The following ZNF738 variants were observed in gnomAD, a reference collection of about 807,000 sequenced individuals.
ZNF738 encodes zinc finger protein 738, also known as protein ZNF738.
Under a neutral mutation model 9.2 loss-of-function variants are expected in ZNF738, and 10 were observed. The ratio of observed to expected loss-of-function variants is 1.09; its 90% CI spans 0.67 to 1.85. The LOEUF (loss-of-function observed/expected upper bound fraction) is 1.85. Ranked by LOEUF, ZNF738 falls within the 40% of genes most tolerant of loss-of-function variation. ZNF738 has a pLI of 0.00. For synonymous variants in ZNF738, 113 were observed against 94.5 expected, an observed-to-expected ratio of 1.20 and a Z score of -1.14; for missense variants, 346 against 283.6, an observed-to-expected ratio of 1.22 and a Z score of -1.58.
intron 2 of ZNF738, among the ~76,000 whole-genome samples, chr19:21,374,449 C>G (rs556176914): frequency 2.0e-5 from 3 of 152,186 alleles, no homozygotes; most frequent in Non-Finnish European, 4.4e-5. Flanking sequence ...CGGTGTGCGT[C>G]AGCACATCAC....
At chr19:21,363,885 TAAAAAAA>T (rs71176862) in intron 2 of ZNF738, among the ~76,000 whole-genome samples, 4 of 141,330 alleles carry the variant, frequency 2.8e-5, no homozygotes, top group Admixed American at 7.1e-5. Context: ...AGACTCCATT[TAAAAAAA>T]AAAAAAAAAA....
At chr19:21,362,891 A>G (rs1196792503) in intron 2 of ZNF738, among the ~76,000 whole-genome samples, 2 of 152,350 alleles carry the variant, frequency 1.3e-5, no homozygotes, top group Non-Finnish European at 1.5e-5. Flanking sequence ...TTTGCCGTAG[A>G]AAATGAATAC....
intron 4 of ZNF738, among the ~76,000 whole-genome samples, chr19:21,382,268 C>G (rs2968040): frequency 0.93 from 139,276 of 149,716 alleles, 65,085 homozygotes; most frequent in Middle Eastern, 0.99. Flanking sequence ...TTGAGATGGA[C>G]TCTTGCACTG....
chr19:21,380,141 G>A (rs1973986388), intron 4 of ZNF738, among the ~76,000 whole-genome samples: 1 of 152,032 alleles, frequency 6.6e-6, no homozygotes, highest in Admixed American at 6.5e-5. Context: ...TGCACAATGA[G>A]GACCACATTC....
intron 4 of ZNF738, chr19:21,381,433 G>C: frequency 6.7e-7 from 1 of 1,490,628 alleles, no homozygotes; most frequent in Non-Finnish European, 9.3e-7. Flanking sequence ...TATAAGAAAG[G>C]CCATTACAGA....
intron 2 of ZNF738, among the ~76,000 whole-genome samples, chr19:21,367,645 A>G (rs1349355244): frequency 6.6e-6 from 1 of 152,140 alleles, no homozygotes; most frequent in African/African-American, 2.4e-5. Flanking sequence ...ACAGACTGTC[A>G]TACTGCCCAT....
At position 21,383,344 on chromosome 19, in the gene ZNF738, A is replaced by G; in HGVS notation, c.798A>G (p.Gly266=). Residue 266 remains glycine, a synonymous_variant, in exon 5 of 5, where the codon GGA becomes GGG. Transcript: ENST00000683779. ...AATCCTACAAACATGAAGAATGTGG[A>G]AAAGGTTTTAACCACTCCACAACTC... The part of the protein sequence containing the change: ...GDKSYKHEEC[G]KGFNHSTTLT... 1.5e-6 allele frequency: 2 copies of G among 1,304,704 alleles called. No homozygotes were observed. The highest frequency in any genetic ancestry group is 2.2e-6 in the Non-Finnish European group (2 of 922,192). The allele number at this position is 1,304,704 out of a possible 1,614,324, so 80.8% of individuals were successfully genotyped here.
At chr19:21,373,514 G>T (rs1973882663) in intron 2 of ZNF738, among the ~76,000 whole-genome samples, 1 of 152,168 alleles carries the variant, frequency 6.6e-6, no homozygotes, top group African/African-American at 2.4e-5. Context: ...TGTGGCAAAA[G>T]CAGGCACCTG....
In ZNF738 at chr19:21,385,806, A is replaced by T. The variant is rs536642004; in HGVS notation, c.*2132A>T. Among the ~76,000 whole-genome samples the T allele has an allele frequency of 9.8e-5, 15 of 152,320 alleles. No homozygotes were observed. The highest frequency in any genetic ancestry group is 3.6e-4 in the African/African-American group (15 of 41,572). ...GTGGCAAAGGTTTTTATTGATTCTC[A>T]TACTTTACTAAAAATAAGGTGATTC... On this transcript the variant is annotated 3_prime_UTR_variant, in exon 5 of 5. Transcript: ENST00000683779.
rs116826489 is a variant in ZNF738, at chr19:21,378,683, G to T, written c.319+2719G>T. On this transcript the variant is annotated intron_variant, in intron 4 of 4. Transcript: ENST00000683779. ...GAGTGAAATGGCGCGATTTCACCTC[G>T]CTGTGTCCCAGGTTCAAGCAGTTCT... 5.2e-3 allele frequency: 2,004 copies of T among 382,692 alleles called. 28 individuals are homozygous for T. Among genetic ancestry groups the T allele is most frequent in the South Asian group, 0.019 (1,022 of 53,646 alleles). The allele number at this position is 382,692 out of a possible 1,614,324, so 23.7% of individuals were successfully genotyped here.
At chr19:21,371,938 C>G (rs1599715170) in intron 2 of ZNF738, 1 of 151,626 alleles carries the variant, frequency 6.6e-6, no homozygotes, top group Non-Finnish European at 1.5e-5. Context: ...TGGGATTTAA[C>G]TTTTTTTTTC....
intron 2 of ZNF738, among the ~76,000 whole-genome samples, chr19:21,366,929 ACCT>A (rs896409211): frequency 4.6e-5 from 7 of 151,708 alleles, no homozygotes; most frequent in East Asian, 1.9e-4. Context: ...TCTTGTGCTG[ACCT>A]CCTATCTCAT....
rs1974074119 is a variant in ZNF738 at position 21,386,855 on chromosome 19, G to A, written c.*3181G>A. Reference sequence around the variant, plus strand: ...CCCGAGTAGCTGGGATTACAGGCATGCACCACTATACCCATCTAATTTTGT... The same window carrying A: ...CCCGAGTAGCTGGGATTACAGGCATACACCACTATACCCATCTAATTTTGT... On this transcript the variant is annotated 3_prime_UTR_variant, in exon 5 of 5. Coordinates refer to ENST00000683779, the MANE Select transcript of ZNF738 (RefSeq NM_001355237.2). 6.6e-6 allele frequency among the ~76,000 whole-genome samples: 1 copy of A among 151,694 alleles called. No individual in the cohort carries two copies. The highest frequency in any genetic ancestry group is 6.6e-5 in the Admixed American group (1 of 15,222).
At position 21,386,476 on chromosome 19, in the gene ZNF738, A is replaced by G. The variant is rs1974068609; in HGVS notation, c.*2802A>G. On this transcript the variant is annotated 3_prime_UTR_variant, in exon 5 of 5. Transcript: ENST00000683779. ...GTCCTCAACTCCCACTAAACATAACATAATTCATACTGGAGAGAAACCTCA... is the reference window on the plus strand; with the variant it reads ...GTCCTCAACTCCCACTAAACATAACGTAATTCATACTGGAGAGAAACCTCA... 1.2e-5 allele frequency: 4 copies of G among 342,650 alleles called. No individual in the cohort carries two copies. In the East Asian group the frequency reaches 3.1e-4, roughly 26 times the overall value. The allele number at this position is 342,650 out of a possible 1,614,324, so 21.2% of individuals were successfully genotyped here.
intron 3 of ZNF738, 63 bp from the exon 4 acceptor site, chr19:21,375,806 A>T: frequency 1.4e-6 from 1 of 712,292 alleles, no homozygotes; most frequent in Non-Finnish European, 2.6e-6. Context: ...TACTAAGCAC[A>T]GTAATAGGTA....
rs1974083023 is a variant in ZNF738 at position 21,387,709 on chromosome 19, T to TAATATATATATA, written c.*4035_*4036insAATATATATATA. Among the ~76,000 whole-genome samples, 2 of 152,158 alleles carry TAATATATATATA rather than the reference T, an allele frequency of 1.3e-5. No homozygotes were observed. Among genetic ancestry groups the TAATATATATATA allele is most frequent in the African/African-American group, 4.8e-5 (2 of 41,438 alleles). Reference sequence around the variant, plus strand: ...GATAAGGGCAATTACTGTCAAAAGGTCTTTCAGAAAAATATAACCCTTTAA... The same window carrying TAATATATATATA: ...GATAAGGGCAATTACTGTCAAAAGGTAATATATATATACTTTCAGAAAAATATAACCCTTTAA... On this transcript the variant is annotated 3_prime_UTR_variant, in exon 5 of 5. Coordinates refer to ENST00000683779, the MANE Select transcript of ZNF738 (RefSeq NM_001355237.2).
chr19:21,382,599 T>C (rs1974019289), intron 4 of ZNF738, among the ~76,000 whole-genome samples: 1 of 152,194 alleles, frequency 6.6e-6, no homozygotes, highest in Non-Finnish European at 1.5e-5. Context: ...TGGGTAAGTG[T>C]AACAAACTTT....
chr19:21,387,907 G>A lies in ZNF738; in HGVS notation c.*4233G>A, dbSNP rs563903715. On this transcript the variant is annotated 3_prime_UTR_variant, in exon 5 of 5. Transcript: ENST00000683779. ...ACTTATATTGGAAAAGTGTCTTGCA[G>A]ATATAATAAATGTGGAAAAACACTT... 2.0e-5 allele frequency among the ~76,000 whole-genome samples: 3 copies of A among 152,092 alleles called. No individual in the cohort carries two copies. The highest frequency in any genetic ancestry group is 1.9e-4 in the East Asian group (1 of 5,180).
chr19:21,359,640 A>C (rs534785417), intron 1 of ZNF738, among the ~76,000 whole-genome samples: 1 of 152,352 alleles, frequency 6.6e-6, no homozygotes, highest in Admixed American at 6.5e-5. Context: ...GCACTTTGGA[A>C]GGCCGAGGTG....
Sources: gnomAD v4.1 joint callset for allele counts (sites outside exome capture counted in the v4.1 genomes callset) on GRCh38, gnomAD v4.1.1 for gene constraint, MANE v1.5 for transcripts, NCBI Gene and HGNC (gene_info 2026-07-23, HGNC 2026-07-21) for gene names.